The following PDE3B variants were observed in gnomAD, a reference collection of about 807,000 sequenced individuals.
The protein encoded by PDE3B is cGMP-inhibited 3',5'-cyclic phosphodiesterase 3B.
A neutral mutation model predicts 116.8 loss-of-function variants in PDE3B; 66 were observed. The ratio of observed to expected loss-of-function variants is 0.56; its 90% CI spans 0.46 to 0.69. The LOEUF is 0.69. PDE3B is among the 30% of genes least tolerant of loss of function. The probability of loss-of-function intolerance (pLI) is 0.00; values close to 1 mark genes in which losing one functional copy is unlikely to be tolerated. For missense variants in PDE3B, 1,384 were observed against 1,368.1 expected (o/e 1.01, Z -0.18); for synonymous variants, 595 against 533.6 (o/e 1.12, Z -1.59).
intron 2 of PDE3B, among the ~76,000 whole-genome samples, chr11:14,780,751 A>T (rs566488242): frequency 4.6e-5 from 7 of 152,352 alleles, no homozygotes; most frequent in African/African-American, 1.7e-4. Context: ...TCACAATTAA[A>T]AGAACAAGAG....
At chr11:14,890,916 GC>G in the PDE3B span, 2 of 985,388 alleles carry the variant, frequency 2.0e-6, no homozygotes, top group South Asian at 4.7e-5. Context: ...TACCACAGTT[GC>G]CAAACATCCC....
intron 1 of PDE3B, among the ~76,000 whole-genome samples, chr11:14,666,930 C>T (rs1319496031): frequency 1.3e-5 from 2 of 151,936 alleles, no homozygotes; most frequent in East Asian, 1.9e-4. Flanking sequence ...CATCCCATTA[C>T]TGGGTATATA....
At chr11:14,789,384 G>A (rs751805735) in intron 4 of PDE3B, 142 bp downstream of exon 4, 1 of 583,920 alleles carries the variant, frequency 1.7e-6, no homozygotes, top group Non-Finnish European at 2.9e-6. Flanking sequence ...GTAATAATAT[G>A]GTAAAATAGA....
Position 14,749,040 on chromosome 11 carries a change from C to A in PDE3B, c.979-22897C>A, listed in dbSNP as rs531231470. Among the ~76,000 whole-genome samples, 32 of 152,116 alleles carry A rather than the reference C, an allele frequency of 2.1e-4. No individual in the cohort carries two copies. In the South Asian group the frequency reaches 6.2e-3, roughly 30 times the overall value. ...AGTAGCTGGGATTACAGGTATGTACCACCATGCCTGTCTAATTTTTGTCTT... is the reference window on the plus strand; with the variant it reads ...AGTAGCTGGGATTACAGGTATGTACAACCATGCCTGTCTAATTTTTGTCTT... On this transcript the variant is annotated intron_variant, in intron 1 of 15. Transcript: ENST00000282096.
chr11:14,825,186 A>C (rs1484987357), intron 7 of PDE3B, among the ~76,000 whole-genome samples: 1 of 152,182 alleles, frequency 6.6e-6, no homozygotes, highest in Non-Finnish European at 1.5e-5. Context: ...ATACAAAAAA[A>C]CACAGTTAAG....
chr11:14,678,538 T>C (rs1187564432), intron 1 of PDE3B, among the ~76,000 whole-genome samples: 2 of 152,150 alleles, frequency 1.3e-5, no homozygotes, highest in African/African-American at 4.8e-5. Flanking sequence ...TCATTCTAGG[T>C]GTGTAGTGGT....
chr11:14,834,627 G>A (rs1219086574), intron 10 of PDE3B, among the ~76,000 whole-genome samples: 1 of 152,164 alleles, frequency 6.6e-6, no homozygotes, highest in Non-Finnish European at 1.5e-5. Flanking sequence ...ATTTGTAACT[G>A]TTCTGTGTAC....
chr11:14,661,489 CGAAGCAGGGT>C (rs1347414447), intron 1 of PDE3B, among the ~76,000 whole-genome samples: 10 of 152,186 alleles, frequency 6.6e-5, no homozygotes, highest in Admixed American at 2.6e-4. Flanking sequence ...GTGCACGAGC[CGAAGCAGGGT>C]GAGGCATTGC....
At chr11:14,731,255 A>ATTTTTTTTTTTT (rs778089171) in intron 1 of PDE3B, among the ~76,000 whole-genome samples, 2 of 121,140 alleles carry the variant, frequency 1.7e-5, no homozygotes, top group African/African-American at 6.1e-5. Flanking sequence ...TTTTACTTTG[A>ATTTTTTTTTTTT]TTTTTTTTTT....
At chr11:14,670,128 C>T (rs1235037977) in intron 1 of PDE3B, among the ~76,000 whole-genome samples, 1 of 152,054 alleles carries the variant, frequency 6.6e-6, no homozygotes, top group Non-Finnish European at 1.5e-5. Flanking sequence ...GATCAGAAGT[C>T]ATTTAGAGAG....
chr11:14,764,659 T>C (rs1469263304), intron 1 of PDE3B, among the ~76,000 whole-genome samples: 1 of 152,082 alleles, frequency 6.6e-6, no homozygotes, highest in East Asian at 1.9e-4. Flanking sequence ...GGGAAGTCTT[T>C]GTTTTGTCAT....
chr11:14,739,321 C>T (rs1856695751), intron 1 of PDE3B, among the ~76,000 whole-genome samples: 2 of 152,294 alleles, frequency 1.3e-5, no homozygotes, highest in Admixed American at 6.5e-5. Flanking sequence ...TCCTTCACAT[C>T]CCTTGTAAGT....
intron 1 of PDE3B, among the ~76,000 whole-genome samples, chr11:14,707,500 A>AAATAAG (rs1565100561): frequency 6.6e-6 from 1 of 151,992 alleles, no homozygotes; most frequent in Non-Finnish European, 1.5e-5. Flanking sequence ...GTTGGTATTA[A>AAATAAG]CGGTGTGGCT....
At chr11:14,846,661 A>G (rs1222316911) in intron 12 of PDE3B, among the ~76,000 whole-genome samples, 2 of 152,142 alleles carry the variant, frequency 1.3e-5, no homozygotes, top group African/African-American at 4.8e-5. Context: ...CAAGCAAATG[A>G]AAAACAAAAA....
intron 1 of PDE3B, among the ~76,000 whole-genome samples, chr11:14,744,429 T>C (rs1019658715): frequency 1.4e-4 from 21 of 152,228 alleles, no homozygotes; most frequent in Non-Finnish European, 2.4e-4. Context: ...AATGTGAATG[T>C]TTTTCCATTT....
intron 1 of PDE3B, among the ~76,000 whole-genome samples, chr11:14,678,256 T>G (rs1330552772): frequency 1.3e-5 from 2 of 149,964 alleles, no homozygotes; most frequent in African/African-American, 4.9e-5. Context: ...AATATTTAGG[T>G]TTTTTTTTTC....
At chr11:14,758,036 C>T (rs1857244756) in intron 1 of PDE3B, among the ~76,000 whole-genome samples, 1 of 151,884 alleles carries the variant, frequency 6.6e-6, no homozygotes, top group African/African-American at 2.4e-5. Context: ...AGCCAATTTT[C>T]CCAGCACCAT....
chr11:14,832,923 A>T, intron 10 of PDE3B, 90 bp downstream of exon 10: 1 of 608,334 alleles, frequency 1.6e-6, no homozygotes, highest in South Asian at 2.0e-5. Flanking sequence ...TCCCTTAAAC[A>T]CTTTTAAAAC....
rs1310365295 is a variant in PDE3B, at chr11:14,830,807, G to T, written c.1917G>T (p.Lys639Asn). The change falls in exon 8 of 16, where the codon AAG becomes AAT. Residue 639 changes from lysine to asparagine, a missense_variant. Transcript: ENST00000282096. ...GAAAATTATTTCAGGAAGGTGATAA[G>T]TGGCTAACAGAAGAGGCACAGAGTG... is the stretch of plus-strand genomic sequence containing the variant. Reference protein sequence around the residue: ...DSRKLFQEGDKWLTEEAQSEQ... With the variant: ...DSRKLFQEGDNWLTEEAQSEQ... The T allele has an allele frequency of 2.0e-6, 3 of 1,535,050 alleles. No individual in the cohort carries two copies. Among genetic ancestry groups the T allele is most frequent in the African/African-American group, 1.4e-5 (1 of 69,968 alleles).
Sources: allele counts gnomAD v4.1 joint callset (sites outside exome capture counted in the v4.1 genomes callset), GRCh38; gene constraint gnomAD v4.1.1; transcripts MANE v1.5; gene names NCBI Gene and HGNC (gene_info 2026-07-23, HGNC 2026-07-21).